SYNPO2: variants seen among roughly 807,000 people sequenced by gnomAD.
SYNPO2 encodes the protein synaptopodin 2.
In SYNPO2, 56 loss-of-function variants were observed where a neutral mutation model predicts 85.0. The ratio of observed to expected loss-of-function variants is 0.66; its 90% confidence interval spans 0.53 to 0.82. The LOEUF is 0.82. Ranked by LOEUF, SYNPO2 falls within the 40% of genes least tolerant of loss-of-function variation. The pLI, the probability that SYNPO2 is intolerant of heterozygous loss-of-function variation, is 0.00. For missense variants in SYNPO2, 1,575 were observed against 1,534.2 expected (o/e 1.03, Z -0.44); for synonymous variants, 602 against 591.1 (o/e 1.02, Z -0.27).
At chr4:118,863,181 T>C (rs1310743196) in intron 1 of SYNPO2, among the ~76,000 whole-genome samples, 3 of 152,230 alleles carry the variant, frequency 2.0e-5, no homozygotes, top group African/African-American at 7.2e-5. Context: ...CATAGATTGA[T>C]TGTGGAAGTA....
intron 1 of SYNPO2, among the ~76,000 whole-genome samples, chr4:118,971,777 G>A (rs1735549881): frequency 6.6e-6 from 1 of 152,118 alleles, no homozygotes; most frequent in Admixed American, 6.5e-5. Flanking sequence ...AAAAATAATG[G>A]CTCAATGACT....
chr4:118,987,643 G>T (rs62327842), intron 1 of SYNPO2, among the ~76,000 whole-genome samples: 1 of 119,408 alleles, frequency 8.4e-6, no homozygotes, highest in African/African-American at 3.0e-5. Flanking sequence ...CAGCCCACAT[G>T]AAAAAAAAAA....
In SYNPO2 at chr4:118,864,086, G is replaced by A. The variant is rs552169760; in HGVS notation, c.12+13146G>A. Reference sequence around the variant, plus strand: ...TTTTTCTTCTTTTCTGATGTGGGCAGTTATAGCTATAAACTTTCCTCTTAG... The same window carrying A: ...TTTTTCTTCTTTTCTGATGTGGGCAATTATAGCTATAAACTTTCCTCTTAG... On this transcript the variant is annotated intron_variant, in intron 1 of 4. Coordinates refer to the SYNPO2 transcript ENST00000610556. 2.0e-5 allele frequency among the ~76,000 whole-genome samples: 3 copies of A among 152,170 alleles called. No individual in the cohort carries two copies. In the South Asian group the frequency reaches 6.2e-4, roughly 32 times the overall value.
chr4:118,982,161 C>T (rs563187484), intron 1 of SYNPO2, among the ~76,000 whole-genome samples: 1 of 151,930 alleles, frequency 6.6e-6, no homozygotes, highest in East Asian at 1.9e-4. Flanking sequence ...AATGTGGTTG[C>T]AAAGTTTTTT....
chr4:118,913,993 G>T (rs7676506), intron 1 of SYNPO2, among the ~76,000 whole-genome samples: 31,237 of 152,024 alleles, frequency 0.21, 3,399 homozygotes, highest in African/African-American at 0.28. Flanking sequence ...CATACGCCAT[G>T]TGAGAAATAA....
At position 119,012,358 on chromosome 4, in the gene SYNPO2, T is replaced by C. The variant is rs953156669; in HGVS notation, c.106-11072T>C. Among the ~76,000 whole-genome samples, 373 of 108,798 alleles carry C rather than the reference T, an allele frequency of 3.4e-3. 1 individual carries two copies. Among genetic ancestry groups the C allele is most frequent in the African/African-American group, 9.4e-3 (343 of 36,348 alleles). The allele number at this position is 108,798 out of a possible 152,430, so 71.4% of individuals were successfully genotyped here. A position where few individuals can be genotyped will look rare whatever the true frequency, so the allele number is the denominator to read the frequency against. ...TCTTGCTCTTTTAGCACATGGTTCC[T>C]TTTTTTTCCCCCTTTTCTTTTTTTT... On this transcript the variant is annotated intron_variant, in intron 1 of 4. Coordinates refer to ENST00000307142, the MANE Select transcript of SYNPO2 (RefSeq NM_133477.3).
intron 1 of SYNPO2, among the ~76,000 whole-genome samples, chr4:118,938,968 T>C (rs1734207479): frequency 6.6e-6 from 1 of 152,202 alleles, no homozygotes; most frequent in African/African-American, 2.4e-5. Context: ...GGTATTTCCA[T>C]GGAGGAGCTT....
intron 1 of SYNPO2, among the ~76,000 whole-genome samples, chr4:118,942,222 T>C (rs1036751632): frequency 6.6e-6 from 1 of 152,206 alleles, no homozygotes; most frequent in Non-Finnish European, 1.5e-5. Flanking sequence ...AAAAACATGA[T>C]TAATAAATGC....
At chr4:118,991,004 C>G (rs13144666) in intron 1 of SYNPO2, among the ~76,000 whole-genome samples, 2 of 152,062 alleles carry the variant, frequency 1.3e-5, no homozygotes, top group Non-Finnish European at 2.9e-5. Flanking sequence ...ACTGGGCCAA[C>G]AGGCCCTTCC....
intron 1 of SYNPO2, among the ~76,000 whole-genome samples, chr4:118,958,064 G>A (rs1734940711): frequency 6.6e-6 from 1 of 152,176 alleles, no homozygotes; most frequent in South Asian, 2.1e-4. Flanking sequence ...TTGGCAAGTT[G>A]TGCTCATTTC....
At chr4:118,973,155 A>G (rs1299576943) in intron 1 of SYNPO2, among the ~76,000 whole-genome samples, 1 of 152,232 alleles carries the variant, frequency 6.6e-6, no homozygotes, top group Non-Finnish European at 1.5e-5. Context: ...GTAAGTCAGA[A>G]TTATAGAATT....
chr4:119,046,699 A>G (rs1738879998), intron 4 of SYNPO2, among the ~76,000 whole-genome samples: 2 of 152,224 alleles, frequency 1.3e-5, no homozygotes, highest in African/African-American at 2.4e-5. Flanking sequence ...GTAGCCAGCA[A>G]TACTCCCATC....
intron 4 of SYNPO2, chr4:119,032,675 G>C (rs192564533): frequency 1.8e-4 from 174 of 982,656 alleles, no homozygotes; most frequent in Admixed American, 3.1e-4. Context: ...TATGTATTAG[G>C]TTCTTTGCCA....
chr4:119,051,713 TAGGAGAG>T (rs112639491), intron 4 of SYNPO2, among the ~76,000 whole-genome samples: 1 of 151,964 alleles, frequency 6.6e-6, no homozygotes, highest in African/African-American at 2.4e-5. Context: ...AAAAGAAAAA[TAGGAGAG>T]AGGGAGCTTT....
rs749295331 is a variant in SYNPO2 at position 118,890,733 on chromosome 4, C to CTCTG, written c.105+1593_105+1594insCTGT. ...TCTCTCTCTCTCTCTCTCTCTCTCTCTGTGTGTGTGTGTGTGTGTGTGTAG... is the reference window on the plus strand; with the variant it reads ...TCTCTCTCTCTCTCTCTCTCTCTCTCTCTGTGTGTGTGTGTGTGTGTGTGTGTAG... On this transcript the variant is annotated intron_variant, in intron 1 of 4. Transcript: ENST00000307142. 6.5e-3 allele frequency among the ~76,000 whole-genome samples: 825 copies of CTCTG among 126,152 alleles called. 11 individuals are homozygous for CTCTG. The highest frequency in any genetic ancestry group is 0.019 in the African/African-American group (646 of 33,364). The allele number at this position is 126,152 out of a possible 152,430, so 82.8% of individuals were successfully genotyped here.
At chr4:119,011,474 G>C (rs1010147939) in intron 1 of SYNPO2, among the ~76,000 whole-genome samples, 1 of 152,176 alleles carries the variant, frequency 6.6e-6, no homozygotes, top group Non-Finnish European at 1.5e-5. Context: ...CGTTGCCTTT[G>C]CTGGGGAAGA....
intron 1 of SYNPO2, among the ~76,000 whole-genome samples, chr4:119,002,548 A>G (rs982204031): frequency 4.6e-5 from 7 of 151,996 alleles, no homozygotes; most frequent in African/African-American, 7.2e-5. Flanking sequence ...TGCTGGGCCA[A>G]TGTCATTGGT....
intron 1 of SYNPO2, among the ~76,000 whole-genome samples, chr4:118,919,541 C>A (rs968486358): frequency 3.3e-5 from 5 of 152,148 alleles, no homozygotes; most frequent in African/African-American, 1.2e-4. Context: ...AAGTTCTTCT[C>A]TTCAAAAAGC....
rs896626643 is a variant in SYNPO2 at position 119,033,300 on chromosome 4, A to G, written c.3252+1273A>G. The G allele has an allele frequency of 1.2e-5, 12 of 985,210 alleles. No homozygotes were observed. In the African/African-American group the frequency reaches 1.6e-4, roughly 13 times the overall value. The allele number at this position is 985,210 out of a possible 1,614,324, so 61.0% of individuals were successfully genotyped here. Reference sequence around the variant, plus strand: ...AACTGCTTCTCCCACGTTCCTTGCAATTCTATTCTCTCACCTTCACTTTAC... The same window carrying G: ...AACTGCTTCTCCCACGTTCCTTGCAGTTCTATTCTCTCACCTTCACTTTAC... On this transcript the variant is annotated intron_variant, in intron 4 of 4. Transcript: ENST00000307142.
Sources: allele counts gnomAD v4.1 joint callset (sites outside exome capture counted in the v4.1 genomes callset), GRCh38; gene constraint gnomAD v4.1.1; transcripts MANE v1.5; gene names NCBI Gene and HGNC (gene_info 2026-07-23, HGNC 2026-07-21).